KCNIP4: variants seen among roughly 807,000 people sequenced by gnomAD.
KCNIP4 encodes the protein Kv channel-interacting protein 4.
A neutral mutation model predicts 34.0 loss-of-function variants in KCNIP4; 12 were observed. The observed-to-expected ratio is 0.35, with a 90% CI of 0.23 to 0.57. The LOEUF (loss-of-function observed/expected upper bound fraction) is 0.57, where lower values mean the gene tolerates loss of function less well. KCNIP4 is among the 20% of genes least tolerant of loss of function. KCNIP4 has a pLI of 0.83. For synonymous variants in KCNIP4, 124 were observed against 102.2 expected (o/e 1.21, Z -1.29); for missense variants, 238 against 311.7 (o/e 0.76, Z 1.78).
At chr4:21,695,901 T>C (rs947904728) in intron 1 of KCNIP4, among the ~76,000 whole-genome samples, 1 of 152,036 alleles carries the variant, frequency 6.6e-6, no homozygotes, top group Non-Finnish European at 1.5e-5. Context: ...TGGCACATCA[T>C]CCTTACTTGA....
intron 3 of KCNIP4, among the ~76,000 whole-genome samples, chr4:20,815,282 TA>T (rs1471927216): frequency 6.6e-6 from 1 of 152,150 alleles, no homozygotes; most frequent in African/African-American, 2.4e-5. Flanking sequence ...ATAATTAATT[TA>T]AAATAGAATG....
rs1456220276 is a variant in KCNIP4, at chr4:21,159,445, G to A, written c.62-276736C>T. ...ACAGCTCCGGTCTACAGCTCCCAGCGTGAGCGACGCAGAAGACGGTGATTT... is the reference window on the plus strand; with the variant it reads ...ACAGCTCCGGTCTACAGCTCCCAGCATGAGCGACGCAGAAGACGGTGATTT... On this transcript the variant is annotated intron_variant, in intron 1 of 8. Coordinates refer to ENST00000382152, the MANE Select transcript of KCNIP4 (RefSeq NM_025221.6). 1.5e-4 allele frequency among the ~76,000 whole-genome samples: 3 copies of A among 19,888 alleles called. 1 individual carries two copies. The highest frequency in any genetic ancestry group is 7.5e-4 in the East Asian group (1 of 1,342). The allele number at this position is 19,888 out of a possible 152,430, so 13.0% of individuals were successfully genotyped here.
intron 1 of KCNIP4, among the ~76,000 whole-genome samples, chr4:21,397,392 T>C (rs1340442943): frequency 1.3e-5 from 2 of 152,154 alleles, no homozygotes; most frequent in Non-Finnish European, 1.5e-5. Context: ...CATTTATCAA[T>C]AGCATACTAA....
At chr4:20,883,776 CCACCAACAGT>C (rs1188375862) in intron 1 of KCNIP4, among the ~76,000 whole-genome samples, 1 of 152,166 alleles carries the variant, frequency 6.6e-6, no homozygotes, top group Non-Finnish European at 1.5e-5. Context: ...TATGTTGCAC[CCACCAACAGT>C]ATCCACTGGC....
chr4:20,741,752 A>C (rs1057227055), intron 5 of KCNIP4, among the ~76,000 whole-genome samples: 3 of 152,208 alleles, frequency 2.0e-5, no homozygotes, highest in African/African-American at 7.2e-5. Context: ...AGACACAAAA[A>C]ACCCTTCAAA....
chr4:21,359,868 T>C (rs1361360328), intron 1 of KCNIP4, among the ~76,000 whole-genome samples: 1 of 152,126 alleles, frequency 6.6e-6, no homozygotes, highest in Non-Finnish European at 1.5e-5. Flanking sequence ...GTGCATTTAT[T>C]GCAATTCATA....
At chr4:21,376,373 G>T (rs754796171) in intron 1 of KCNIP4, among the ~76,000 whole-genome samples, 3 of 142,916 alleles carry the variant, frequency 2.1e-5, no homozygotes, top group Non-Finnish European at 4.5e-5. Flanking sequence ...TCCGAGATTT[G>T]GATGCTAGCA....
At chr4:21,092,106 A>G (rs1013277793) in intron 1 of KCNIP4, among the ~76,000 whole-genome samples, 3 of 152,144 alleles carry the variant, frequency 2.0e-5, no homozygotes, top group African/African-American at 4.8e-5. Flanking sequence ...TCTCTATTCC[A>G]GTTCCCATGT....
intron 1 of KCNIP4, among the ~76,000 whole-genome samples, chr4:21,042,005 G>T (rs2149780584): frequency 6.6e-6 from 1 of 152,272 alleles, no homozygotes; most frequent in South Asian, 2.1e-4. Context: ...TGGATTAGGT[G>T]ACCCAGGCAT....
At chr4:21,813,396 T>G (rs1408865431) in intron 1 of KCNIP4, among the ~76,000 whole-genome samples, 1 of 152,202 alleles carries the variant, frequency 6.6e-6, no homozygotes, top group African/African-American at 2.4e-5. Context: ...GAGAAAAAGT[T>G]ATTTAATAAT....
intron 1 of KCNIP4, among the ~76,000 whole-genome samples, chr4:21,101,174 C>T (rs772133473): frequency 3.9e-5 from 6 of 152,104 alleles, no homozygotes; most frequent in Admixed American, 6.6e-5. Flanking sequence ...TCCATCTGTA[C>T]GCATTGTTCA....
chr4:21,330,796 T>C (rs1284833355), intron 1 of KCNIP4, among the ~76,000 whole-genome samples: 1 of 152,152 alleles, frequency 6.6e-6, no homozygotes. Context: ...TTAGCAGAAT[T>C]TTCCAACTCC....
intron 1 of KCNIP4, among the ~76,000 whole-genome samples, chr4:21,129,000 T>A (rs577256740): frequency 5.9e-5 from 9 of 152,352 alleles, no homozygotes; most frequent in African/African-American, 2.2e-4. Flanking sequence ...GGTTTGGCTG[T>A]GACACTACCC....
At chr4:21,410,742 T>C (rs1724426512) in intron 1 of KCNIP4, among the ~76,000 whole-genome samples, 1 of 152,246 alleles carries the variant, frequency 6.6e-6, no homozygotes, top group Non-Finnish European at 1.5e-5. Context: ...CTTATTACTT[T>C]AATGAGTTAT....
At chr4:21,887,251 A>G (rs912377463) in intron 1 of KCNIP4, among the ~76,000 whole-genome samples, 1 of 152,104 alleles carries the variant, frequency 6.6e-6, no homozygotes, top group Non-Finnish European at 1.5e-5. Flanking sequence ...TGCAGGCTGG[A>G]AGTCTGAGAC....
chr4:20,800,790 G>A (rs1215196975), intron 3 of KCNIP4, among the ~76,000 whole-genome samples: 2 of 152,100 alleles, frequency 1.3e-5, no homozygotes, highest in African/African-American at 2.4e-5. Context: ...GGACTTATGG[G>A]ATATCATTAA....
intron 1 of KCNIP4, among the ~76,000 whole-genome samples, chr4:21,209,357 T>TCTAG (rs1347327644): frequency 2.0e-5 from 3 of 152,006 alleles, no homozygotes. Flanking sequence ...ATTCCTCCTA[T>TCTAG]CTAGCTGTAA....
intron 1 of KCNIP4, among the ~76,000 whole-genome samples, chr4:21,833,096 G>C (rs1723098228): frequency 6.6e-6 from 1 of 150,788 alleles, no homozygotes; most frequent in Non-Finnish European, 1.5e-5. Context: ...AGTCCTTTGG[G>C]TATATACCTA....
intron 1 of KCNIP4, among the ~76,000 whole-genome samples, chr4:20,963,595 A>C (rs1734068839): frequency 6.6e-6 from 1 of 152,144 alleles, no homozygotes; most frequent in Non-Finnish European, 1.5e-5. Context: ...CACATTCAAG[A>C]AGCTTTTATT....
Sources: allele counts gnomAD v4.1 joint callset (sites outside exome capture counted in the v4.1 genomes callset), GRCh38; gene constraint gnomAD v4.1.1; transcripts MANE v1.5; gene names NCBI Gene and HGNC (gene_info 2026-07-23, HGNC 2026-07-21).